The following USP32 variants were observed in gnomAD, a reference collection of about 807,000 sequenced individuals.
USP32 encodes the protein ubiquitin carboxyl-terminal hydrolase 32.
USP32 carries 59 observed loss-of-function variants against 204.8 expected under a neutral mutation model. That is an observed-to-expected ratio of 0.29 (90% CI 0.23 to 0.36). USP32 has a LOEUF of 0.36. Among genes scored for constraint, USP32 ranks in the 10% least tolerant of loss-of-function variants. The pLI is 1.00. For synonymous variants in USP32, 517 were observed against 678.4 expected (o/e 0.76, Z 3.70); for missense variants, 1,160 against 1,946.4 (o/e 0.60, Z 7.60).
At chr17:60,311,303 TTTGTAGCCATGA>T (rs1390511952) in intron 2 of USP32, among the ~76,000 whole-genome samples, 1 of 152,124 alleles carries the variant, frequency 6.6e-6, no homozygotes, top group African/African-American at 2.4e-5. Flanking sequence ...TCTTAAACAT[TTTGTAGCCATGA>T]CTATCCAGTC....
chr17:60,392,124 C>G lies in USP32; in HGVS notation c.-185G>C, dbSNP rs1210949723. On this transcript the variant is annotated 5_prime_UTR_variant, in exon 1 of 34. Coordinates refer to ENST00000300896, the MANE Select transcript of USP32 (RefSeq NM_032582.4). ...CCCGGTCGCCGCCACCGCCTCCATG[C>G]CGGATCACGTGACTCTTCCGCCCCG... 2 of 590,002 alleles carry G rather than the reference C, an allele frequency of 3.4e-6. No homozygotes were observed. Among genetic ancestry groups the G allele is most frequent in the African/African-American group, 1.9e-5 (1 of 51,754 alleles). 36.5% of individuals were successfully genotyped at this position (590,002 alleles called of 1,614,324 possible).
At chr17:60,283,597 G>C (rs747492436) in intron 5 of USP32, among the ~76,000 whole-genome samples, 4 of 151,736 alleles carry the variant, frequency 2.6e-5, no homozygotes, top group Non-Finnish European at 5.9e-5. Flanking sequence ...AAAGTCAAAG[G>C]TTAGTCAAGT....
At chr17:60,210,917 A>G (rs1439451929) in intron 21 of USP32, 96 bp downstream of exon 21, 3 of 1,457,442 alleles carry the variant, frequency 2.1e-6, no homozygotes, top group Non-Finnish European at 1.8e-6. Context: ...AAAAACATTT[A>G]TTAAGTTAAA....
chr17:60,422,356 C>T (rs895222740), exon 1 of USP32: 7 of 1,070,020 alleles, frequency 6.5e-6, no homozygotes, highest in African/African-American at 3.2e-5. Context: ...GCACATCTTG[C>T]TCCGTTCCCT....
In USP32 at chr17:60,405,424, C is replaced by T. The variant is rs574334823; in HGVS notation, c.106+16822G>A. Among the ~76,000 whole-genome samples, 36 of 152,066 alleles carry T rather than the reference C, an allele frequency of 2.4e-4. No individual in the cohort carries two copies. In the South Asian group the frequency reaches 4.0e-3, roughly 17 times the overall value. On this transcript the variant is annotated intron_variant, in intron 1 of 3. Transcript: ENST00000588898. ...TTCACCGTGTTGCCCAGGCTGGTCT[C>T]GAACTCCTGAGCTCAGACAGTCCAC...
At position 60,222,397 on chromosome 17, in the gene USP32, AACTAT is replaced by A. The variant is rs758374503; in HGVS notation, c.1749+7_1749+11del. The A allele has an allele frequency of 1.9e-6, 3 of 1,612,406 alleles. No individual in the cohort carries two copies. In the Admixed American group the frequency reaches 5.0e-5, roughly 27 times the overall value. Reference sequence around the variant, plus strand: ...ACTGCTCCTTATATAAGGCACTATTAACTATACTTACTGGTCTAGGTAAGGCCAGG... The same window carrying A: ...ACTGCTCCTTATATAAGGCACTATTAACTTACTGGTCTAGGTAAGGCCAGG... On this transcript the variant is annotated splice_region_variant and intron_variant, in intron 15 of 33. Transcript: ENST00000300896.
upstream of USP32, among the ~76,000 whole-genome samples, chr17:60,395,661 A>C (rs890195720): frequency 6.6e-6 from 1 of 152,254 alleles, no homozygotes; most frequent in African/African-American, 2.4e-5. Flanking sequence ...ACTTTTAAGT[A>C]GTCAGTTGTA....
At chr17:60,210,646 G>A (rs137903824) in intron 21 of USP32, among the ~76,000 whole-genome samples, 241 of 152,304 alleles carry the variant, frequency 1.6e-3, no homozygotes, top group African/African-American at 4.7e-3. Flanking sequence ...TCTTAGTTAC[G>A]TTGAAAATGG....
rs1598274459 is a variant in USP32 at position 60,349,596 on chromosome 17, AATATATATATATATATATATATATATATT to A, written c.59-4017_59-3989del. Among the ~76,000 whole-genome samples the A allele has an allele frequency of 4.0e-4, 26 of 65,174 alleles. No homozygotes were observed. The East Asian group carries it at 4.7e-3, about 12-fold the overall frequency. 42.8% of individuals were successfully genotyped at this position (65,174 alleles called of 152,430 possible). ...CTCAAAAGAAAAAAAAAAAAAAAAA[AATATATATATATATATATATATATATATT>A]ATATATATATATATATATTATATAT... On this transcript the variant is annotated intron_variant, in intron 1 of 33. Transcript: ENST00000300896.
Position 60,271,467 on chromosome 17 carries a change from T to C in USP32, c.586A>G (p.Ile196Val), listed in dbSNP as rs1489073309. The change falls in exon 6 of 34, where the codon ATC (isoleucine) becomes GTC (valine). Residue 196 changes from isoleucine (I) to valine (V), a missense_variant. By Grantham distance (29) the Ile-to-Val change is conservative. Around this residue, in one of 8 missense-constraint regions of USP32, gnomAD observed 536 missense variants for 680.9 expected, o/e 0.79. Transcript: ENST00000300896. ...AGVTHLEESD[I>V]IDLEKRYWLL... Reference sequence around the variant, plus strand: ...CAATAGCGTTTCTCAAGATCAATGATGTCTGATTCCTCCACTAAGGGTCAA... The same window carrying C: ...CAATAGCGTTTCTCAAGATCAATGACGTCTGATTCCTCCACTAAGGGTCAA... 1.2e-6 allele frequency: 2 copies of C among 1,613,918 alleles called. No homozygotes were observed. The highest frequency in any genetic ancestry group is 1.7e-5 in the Admixed American group (1 of 60,016).
At chr17:60,403,074 C>T (rs191606560) in intron 1 of USP32, among the ~76,000 whole-genome samples, 150 of 152,054 alleles carry the variant, frequency 9.9e-4, no homozygotes, top group Non-Finnish European at 1.8e-3. Context: ...TGCAGTGTCA[C>T]GATCTCGGCT....
chr17:60,295,699 CAG>C (rs1325817512), intron 3 of USP32, among the ~76,000 whole-genome samples: 5 of 152,096 alleles, frequency 3.3e-5, no homozygotes, highest in African/African-American at 9.7e-5. Context: ...GATATTTTAA[CAG>C]AGAGAGTGAC....
intron 13 of USP32, among the ~76,000 whole-genome samples, chr17:60,225,569 T>C (rs565276619): frequency 6.6e-6 from 1 of 152,334 alleles, no homozygotes; most frequent in South Asian, 2.1e-4. Flanking sequence ...CAATTGACCA[T>C]TTCATTCAAA....
At chr17:60,417,355 A>T (rs2090069828) in intron 1 of USP32, among the ~76,000 whole-genome samples, 1 of 151,990 alleles carries the variant, frequency 6.6e-6, no homozygotes, top group African/African-American at 2.4e-5. Context: ...TATGTTGCCC[A>T]TGCTGGTCTC....
chr17:60,236,830 A>G (rs917311555), intron 11 of USP32, among the ~76,000 whole-genome samples: 3 of 152,192 alleles, frequency 2.0e-5, no homozygotes, highest in African/African-American at 7.2e-5. Flanking sequence ...ATTCATATAA[A>G]TAAAATGATA....
At position 60,377,028 on chromosome 17, in the gene USP32, A is replaced by C. The variant is rs557175878; in HGVS notation, c.58+14854T>G. ...AAACTTTTGATATCCAAAGGGCTAC[A>C]TTTGAGGGGTTATATACCTAAAAGA... is the stretch of plus-strand genomic sequence containing the variant. On this transcript the variant is annotated intron_variant, in intron 1 of 33. Coordinates refer to ENST00000300896, the MANE Select transcript of USP32 (RefSeq NM_032582.4). Among the ~76,000 whole-genome samples the C allele has an allele frequency of 3.3e-5, 5 of 152,316 alleles. No homozygotes were observed. In the South Asian group the frequency reaches 1.0e-3, roughly 32 times the overall value.
At chr17:60,296,089 A>T (rs992451142) in intron 3 of USP32, among the ~76,000 whole-genome samples, 1 of 152,258 alleles carries the variant, frequency 6.6e-6, no homozygotes, top group African/African-American at 2.4e-5. Flanking sequence ...GAAGGGATAC[A>T]AAGAAAACCT....
intron 15 of USP32, among the ~76,000 whole-genome samples, chr17:60,220,089 C>A (rs1222679365): frequency 6.6e-6 from 1 of 151,430 alleles, no homozygotes; most frequent in Non-Finnish European, 1.5e-5. Context: ...ATTCTACTAC[C>A]CTCACACCAT....
At chr17:60,407,212 A>C (rs72843537) in intron 1 of USP32, among the ~76,000 whole-genome samples, 5,918 of 152,334 alleles carry the variant, frequency 0.039, 199 homozygotes, top group Non-Finnish European at 0.062. Flanking sequence ...GCAAAATTCC[A>C]AAAAGGAAGA....
Sources: gnomAD v4.1 joint callset for allele counts (sites outside exome capture counted in the v4.1 genomes callset) on GRCh38, gnomAD v4.1.1 for gene constraint, gnomAD v4.1.1 regional missense constraint, MANE v1.5 for transcripts, NCBI Gene and HGNC (gene_info 2026-07-23, HGNC 2026-07-21) for gene names.